STARD13: variants seen among roughly 807,000 people sequenced by gnomAD.
The protein encoded by STARD13 is StAR related lipid transfer domain containing 13.
Under a neutral mutation model 106.4 loss-of-function variants are expected in STARD13, and 62 were observed. The observed-to-expected ratio is 0.58, with a 90% CI of 0.48 to 0.72. STARD13 has a LOEUF of 0.72. Ranked by LOEUF, STARD13 falls within the 30% of genes least tolerant of loss-of-function variation. The pLI, the probability that STARD13 is intolerant of heterozygous loss-of-function variation, is 0.00. For synonymous variants in STARD13, 565 were observed against 553.0 expected, an observed-to-expected ratio of 1.02 and a Z score of -0.31; for missense variants, 1,387 against 1,424.0, an observed-to-expected ratio of 0.97 and a Z score of 0.42.
chr13:33,493,602 G>T, the STARD13 span, among the ~76,000 whole-genome samples: 1 of 152,130 alleles, frequency 6.6e-6, no homozygotes, highest in Non-Finnish European at 1.5e-5. Context: ...AACTGTGGGG[G>T]TGCGCAGTAT....
At chr13:33,438,411 A>C in the STARD13 span, among the ~76,000 whole-genome samples, 1 of 152,344 alleles carries the variant, frequency 6.6e-6, no homozygotes, top group African/African-American at 2.4e-5. Flanking sequence ...CTATTTGGAC[A>C]CATTCATATG....
intron 1 of STARD13, among the ~76,000 whole-genome samples, chr13:33,196,328 A>G (rs1034119862): frequency 1.3e-5 from 2 of 152,240 alleles, no homozygotes; most frequent in Admixed American, 1.3e-4. Flanking sequence ...GGGCAAAGTG[A>G]GCTGAGATTG....
intron 1 of STARD13, among the ~76,000 whole-genome samples, chr13:33,320,529 A>G (rs1184638549): frequency 6.6e-6 from 1 of 152,232 alleles, no homozygotes; most frequent in African/African-American, 2.4e-5. Flanking sequence ...ATTCTTCTGA[A>G]GATGACTCCT....
chr13:33,144,190 C>T (rs1226102505), intron 3 of STARD13, among the ~76,000 whole-genome samples: 3 of 152,180 alleles, frequency 2.0e-5, no homozygotes, highest in Non-Finnish European at 4.4e-5. Flanking sequence ...CATCTGAGGC[C>T]AGAGTCACAT....
At chr13:33,373,744 C>T in the STARD13 span, among the ~76,000 whole-genome samples, 1 of 151,464 alleles carries the variant, frequency 6.6e-6, no homozygotes, top group African/African-American at 2.4e-5. Flanking sequence ...GAAATACCAT[C>T]TCAGACCTAT....
At chr13:33,482,337 T>A in the STARD13 span, among the ~76,000 whole-genome samples, 2 of 152,174 alleles carry the variant, frequency 1.3e-5, no homozygotes, top group African/African-American at 4.8e-5. Context: ...GATGAAAACA[T>A]CCACTAACAA....
At chr13:33,292,121 G>A (rs1185681262) in intron 1 of STARD13, among the ~76,000 whole-genome samples, 1 of 152,128 alleles carries the variant, frequency 6.6e-6, no homozygotes, top group East Asian at 1.9e-4. Context: ...AAAGCTAGGG[G>A]TAAAATCCAT....
At chr13:33,268,171 C>T (rs1257851780) in intron 1 of STARD13, among the ~76,000 whole-genome samples, 4 of 152,134 alleles carry the variant, frequency 2.6e-5, no homozygotes, top group African/African-American at 9.7e-5. Flanking sequence ...ACCAAGAGTT[C>T]GATAGCTATC....
At chr13:33,661,549 G>A in the STARD13 span, among the ~76,000 whole-genome samples, 4 of 152,180 alleles carry the variant, frequency 2.6e-5, no homozygotes, top group Non-Finnish European at 5.9e-5. Flanking sequence ...TCACAGTTCC[G>A]CATGGCCGGG....
At chr13:33,552,286 C>T in the STARD13 span, among the ~76,000 whole-genome samples, 33 of 152,096 alleles carry the variant, frequency 2.2e-4, no homozygotes, top group Admixed American at 1.0e-3. Flanking sequence ...ACACGATCAG[C>T]AGACTACTGA....
rs374542019 is a variant in STARD13, at chr13:33,282,852, C to A, written c.169+2618G>T. ...GACCAGCCTGCGCAATATAGTGAGA[C>A]CCTGTCTCTATAAAAAAGTTTTAAA... On this transcript the variant is annotated intron_variant, in intron 1 of 13. Coordinates refer to ENST00000336934, the MANE Select transcript of STARD13 (RefSeq NM_178006.4). Among the ~76,000 whole-genome samples the A allele has an allele frequency of 3.3e-5, 5 of 151,838 alleles. No homozygotes were observed. In the East Asian group the frequency reaches 9.6e-4, roughly 29 times the overall value.
chr13:33,569,050 T>C, the STARD13 span, among the ~76,000 whole-genome samples: 4 of 148,352 alleles, frequency 2.7e-5, no homozygotes, highest in African/African-American at 7.4e-5. Flanking sequence ...CATTCTGATC[T>C]GAGTGCAAAT....
the STARD13 span, among the ~76,000 whole-genome samples, chr13:33,596,671 T>C: frequency 6.6e-6 from 1 of 152,182 alleles, no homozygotes; most frequent in Non-Finnish European, 1.5e-5. Flanking sequence ...GTTTTATCCA[T>C]TAACCAACCT....
the STARD13 span, chr13:33,439,615 AT>A: frequency 2.8e-6 from 2 of 720,240 alleles, no homozygotes; most frequent in South Asian, 1.5e-5. Flanking sequence ...GCATGTTTAA[AT>A]TTATAGGGAT....
At chr13:33,174,732 C>G in intron 1 of STARD13, among the ~76,000 whole-genome samples, 1 of 152,322 alleles carries the variant, frequency 6.6e-6, no homozygotes, top group East Asian at 1.9e-4. Context: ...GCCAGCTATT[C>G]ACTCTATAGA....
chr13:33,183,589 G>C (rs1314055419), intron 1 of STARD13, among the ~76,000 whole-genome samples: 2 of 152,218 alleles, frequency 1.3e-5, no homozygotes, highest in Non-Finnish European at 2.9e-5. Context: ...CTGAGTGCCA[G>C]ACCCCAGCCT....
At chr13:33,662,154 C>T in the STARD13 span, among the ~76,000 whole-genome samples, 11 of 151,144 alleles carry the variant, frequency 7.3e-5, no homozygotes, top group Non-Finnish European at 1.3e-4. Context: ...CCCAGCTACT[C>T]GGGAAGCTGA....
chr13:33,526,693 GT>G, the STARD13 span, among the ~76,000 whole-genome samples: 488 of 148,484 alleles, frequency 3.3e-3, 3 homozygotes, highest in African/African-American at 0.012. Context: ...AAAACTAGAA[GT>G]GGTAATGCTT....
intron 1 of STARD13, among the ~76,000 whole-genome samples, chr13:33,212,292 G>A (rs530567955): frequency 3.7e-4 from 56 of 152,214 alleles, no homozygotes; most frequent in South Asian, 4.1e-4. Context: ...CATTTATTAA[G>A]TAGAATTTAA....
Sources: gnomAD v4.1 joint callset for allele counts (sites outside exome capture counted in the v4.1 genomes callset) on GRCh38, gnomAD v4.1.1 for gene constraint, MANE v1.5 for transcripts, NCBI Gene and HGNC (gene_info 2026-07-23, HGNC 2026-07-21) for gene names.